The following NOL4 variants were observed in gnomAD, a reference collection of about 807,000 sequenced individuals.
NOL4 encodes the protein nucleolar protein 4.
Under a neutral mutation model 75.9 loss-of-function variants are expected in NOL4, and 17 were observed. The ratio of observed to expected loss-of-function variants is 0.22; its 90% confidence interval spans 0.15 to 0.34. The LOEUF (loss-of-function observed/expected upper bound fraction) is 0.34. NOL4 is among the 10% of genes least tolerant of loss of function. The probability of loss-of-function intolerance (pLI) is 1.00; values close to 1 mark genes in which losing one functional copy is unlikely to be tolerated. For synonymous variants in NOL4, 292 were observed against 289.9 expected (o/e 1.01, Z -0.07); for missense variants, 614 against 793.5 (o/e 0.77, Z 2.72).
intron 6 of NOL4, among the ~76,000 whole-genome samples, chr18:33,966,693 T>C (rs374936667): frequency 6.6e-6 from 1 of 151,660 alleles, no homozygotes; most frequent in African/African-American, 2.4e-5. Context: ...ACACCAATAA[T>C]GTTCAAGCTG....
At chr18:34,052,050 G>A (rs1451104399) in intron 5 of NOL4, among the ~76,000 whole-genome samples, 1 of 151,952 alleles carries the variant, frequency 6.6e-6, no homozygotes, top group African/African-American at 2.4e-5. Context: ...AAAATCTAAT[G>A]AGGATTAAAT....
intron 6 of NOL4, among the ~76,000 whole-genome samples, chr18:33,994,296 A>G (rs2146146324): frequency 1.3e-5 from 2 of 151,908 alleles, no homozygotes; most frequent in South Asian, 4.1e-4. Flanking sequence ...ACAACATTAT[A>G]CTCCAGCTAG....
chr18:33,925,333 A>G lies in NOL4; in HGVS notation c.1542+17732T>C, dbSNP rs1051093815. Among the ~76,000 whole-genome samples the G allele has an allele frequency of 9.8e-5, 15 of 152,314 alleles. 1 individual carries two copies. The highest frequency in any genetic ancestry group is 3.4e-3 in the Middle Eastern group (1 of 294). The stretch of plus-strand genomic sequence containing the variant: ...TAAATTATCAAATAAATGATAGTTG[A>G]CAAATTAATTTAATGTAAAGACCTA... On this transcript the variant is annotated intron_variant, in intron 9 of 10. Coordinates refer to ENST00000261592, the MANE Select transcript of NOL4 (RefSeq NM_003787.5).
At chr18:34,200,162 G>T (rs905167850) in intron 1 of NOL4, among the ~76,000 whole-genome samples, 6 of 151,730 alleles carry the variant, frequency 4.0e-5, no homozygotes, top group Admixed American at 3.3e-4. Flanking sequence ...CTACTATGAG[G>T]AAAAGCTCAT....
intron 10 of NOL4, among the ~76,000 whole-genome samples, chr18:33,877,248 C>A (rs2063983036): frequency 6.6e-6 from 1 of 151,820 alleles, no homozygotes; most frequent in Non-Finnish European, 1.5e-5. Flanking sequence ...AGGAAGACTG[C>A]ATGAGCCCAG....
chr18:33,926,397 A>T (rs2067333477), intron 9 of NOL4, among the ~76,000 whole-genome samples: 1 of 146,902 alleles, frequency 6.8e-6, no homozygotes, highest in Admixed American at 6.8e-5. Flanking sequence ...ACATCTCACT[A>T]CTTTCAATTC....
intron 5 of NOL4, among the ~76,000 whole-genome samples, chr18:34,071,216 C>A (rs1053039926): frequency 6.6e-6 from 1 of 152,026 alleles, no homozygotes; most frequent in Non-Finnish European, 1.5e-5. Context: ...CCACTAAATA[C>A]GTACAAAGAT....
intron 10 of NOL4, among the ~76,000 whole-genome samples, chr18:33,870,113 T>C (rs1456804229): frequency 6.6e-6 from 1 of 152,138 alleles, no homozygotes. Flanking sequence ...ACATACATCA[T>C]GGAATGGTTA....
chr18:34,035,554 TAATCTA>T (rs2144721556), intron 5 of NOL4, among the ~76,000 whole-genome samples: 1 of 151,850 alleles, frequency 6.6e-6, no homozygotes, highest in East Asian at 1.9e-4. Context: ...AGATTTCAAA[TAATCTA>T]ATGATGATCC....
At chr18:34,004,010 C>T (rs961912248) in intron 6 of NOL4, among the ~76,000 whole-genome samples, 3 of 152,132 alleles carry the variant, frequency 2.0e-5, no homozygotes, top group East Asian at 3.9e-4. Context: ...CTCTTTGAAG[C>T]CTGCTACCTG....
intron 9 of NOL4, among the ~76,000 whole-genome samples, chr18:33,905,665 T>C (rs1431455120): frequency 6.6e-6 from 1 of 152,194 alleles, no homozygotes; most frequent in Non-Finnish European, 1.5e-5. Context: ...ACTCTGATCA[T>C]ATAGTTGTTG....
intron 5 of NOL4, among the ~76,000 whole-genome samples, chr18:34,080,040 A>G (rs933917991): frequency 4.6e-5 from 7 of 152,224 alleles, no homozygotes; most frequent in Non-Finnish European, 1.0e-4. Flanking sequence ...AAGCATACCT[A>G]ATACCAAAAT....
intron 9 of NOL4, among the ~76,000 whole-genome samples, chr18:33,919,601 C>T (rs1056101222): frequency 6.6e-5 from 10 of 152,150 alleles, no homozygotes; most frequent in African/African-American, 1.9e-4. Flanking sequence ...GACTTTAGAA[C>T]GGAAGATATA....
chr18:34,170,573 T>G (rs1275213033), intron 1 of NOL4, among the ~76,000 whole-genome samples: 2 of 152,204 alleles, frequency 1.3e-5, no homozygotes, highest in Non-Finnish European at 2.9e-5. Context: ...TGGTAAAATG[T>G]TGAATATATT....
intron 10 of NOL4, among the ~76,000 whole-genome samples, chr18:33,853,852 G>T (rs924080232): frequency 6.6e-6 from 1 of 151,978 alleles, no homozygotes; most frequent in Non-Finnish European, 1.5e-5. Context: ...TGGTGGGTAT[G>T]CTTTTTGACA....
chr18:34,149,856 G>C (rs1381253084), intron 1 of NOL4, among the ~76,000 whole-genome samples: 1 of 151,680 alleles, frequency 6.6e-6, no homozygotes, highest in Non-Finnish European at 1.5e-5. Flanking sequence ...CTGGTATATA[G>C]TACGTAATCA....
intron 10 of NOL4, among the ~76,000 whole-genome samples, chr18:33,860,290 C>T (rs1255213015): frequency 1.3e-5 from 2 of 152,012 alleles, no homozygotes; most frequent in Non-Finnish European, 2.9e-5. Context: ...CTGCCCCTAC[C>T]TCCCCCCAAA....
chr18:34,129,995 A>T lies in NOL4; in HGVS notation c.290T>A (p.Leu97Gln), dbSNP rs1183681556. The change falls in exon 2 of 11, where the codon CTA becomes CAA. Residue 97 changes from leucine (L) to glutamine (Q), a missense_variant. Physicochemically the swap from Leu to Gln is moderately radical, Grantham distance 113 (BLOSUM62 -2). Around this residue, in one of 9 missense-constraint regions of NOL4, gnomAD observed 135 missense variants for 220.4 expected, o/e 0.61. Transcript: ENST00000261592. ...AACCACAGCTACCCGTCGTAAAGAT[A>T]GCTTCTCATCTACCCCTACGCCATC... ...TTDGVGVDEK[L>Q]SLRRVAVVED... The T allele has an allele frequency of 6.3e-7, 1 of 1,597,884 alleles. No homozygotes were observed. The highest frequency in any genetic ancestry group is 8.5e-7 in the Non-Finnish European group (1 of 1,171,458).
chr18:34,111,771 G>C (rs79360964), intron 2 of NOL4, among the ~76,000 whole-genome samples: 4,806 of 152,078 alleles, frequency 0.032, 79 homozygotes, highest in Middle Eastern at 0.048. Flanking sequence ...AAATAAAAAT[G>C]AAAACCACAA....
Sources: allele counts gnomAD v4.1 joint callset (sites outside exome capture counted in the v4.1 genomes callset), GRCh38; gene constraint gnomAD v4.1.1; regional missense constraint gnomAD v4.1.1; transcripts MANE v1.5; gene names NCBI Gene and HGNC (gene_info 2026-07-23, HGNC 2026-07-21).